TMLHE: variants seen among roughly 807,000 people sequenced by gnomAD.
TMLHE encodes trimethyllysine hydroxylase, epsilon, also known as trimethyllysine dioxygenase, mitochondrial.
TMLHE carries 18 observed loss-of-function variants against 25.7 expected under a neutral mutation model. The ratio of observed to expected loss-of-function variants is 0.70; its 90% CI spans 0.48 to 1.04. The LOEUF is 1.04. TMLHE is among the 50% of genes least tolerant of loss of function. The pLI, the probability that TMLHE is intolerant of heterozygous loss-of-function variation, is 0.00. For synonymous variants in TMLHE, 105 were observed against 97.0 expected (o/e 1.08, Z -0.49); for missense variants, 236 against 259.0 (o/e 0.91, Z 0.61).
intron 1 of TMLHE, among the ~76,000 whole-genome samples, chrX:155,584,454 A>T (rs1214451000): frequency 9.0e-6 from 1 of 111,411 alleles, no homozygotes; most frequent in African/African-American, 3.3e-5. Context: ...TAATGAAATA[A>T]TAGGTGAAAA....
chrX:155,559,995 C>G (rs781945343), intron 1 of TMLHE, among the ~76,000 whole-genome samples: 3 of 112,761 alleles, frequency 2.7e-5, no homozygotes, highest in African/African-American at 9.6e-5. Context: ...TCAGTGTTTT[C>G]ACAGGTCTCT....
intron 2 of TMLHE, among the ~76,000 whole-genome samples, chrX:155,525,560 G>C (rs2067214953): frequency 8.9e-6 from 1 of 112,282 alleles, no homozygotes; most frequent in Non-Finnish European, 1.9e-5. Context: ...AAGCAACTTT[G>C]GAACTGGGTA....
intron 1 of TMLHE, among the ~76,000 whole-genome samples, chrX:155,589,621 A>G (rs782456726): frequency 1.8e-5 from 2 of 111,893 alleles, no homozygotes; most frequent in Admixed American, 1.9e-4. Flanking sequence ...TAGATATTAG[A>G]GGTCGAGAAG....
At chrX:155,596,300 T>C (rs782634629) in intron 1 of TMLHE, among the ~76,000 whole-genome samples, 2 of 112,011 alleles carry the variant, frequency 1.8e-5, no homozygotes, top group Non-Finnish European at 3.8e-5. Context: ...AGTCAGAAAG[T>C]ACCTTATCAG....
chrX:155,509,689 T>C (rs1557333138), intron 5 of TMLHE, among the ~76,000 whole-genome samples: 1 of 111,927 alleles, frequency 8.9e-6, no homozygotes, highest in Admixed American at 9.5e-5. Flanking sequence ...TTGTTCTTCC[T>C]TCCCTGAATC....
Position 155,545,204 on chromosome X carries a change from C to G in TMLHE, c.73G>C (p.Ala25Pro). The G allele has an allele frequency of 1.2e-5, 15 of 1,209,858 alleles. No individual in the cohort carries two copies. The highest frequency in any genetic ancestry group is 1.7e-5 in the Non-Finnish European group (15 of 894,413). ...DLLKGGVIYP[A>P]LPQPNFKSLL... ...CTTTTGAAGTTGGGCTGTGGAAGGG[C>G]CGGATATATGACTCCTCCCTTCAGC... The change falls in exon 2 of 8, where the codon GCC becomes CCC. Residue 25 changes from alanine to proline, a missense_variant. By Grantham distance (27) the Ala-to-Pro change is conservative (BLOSUM62 -1). Coordinates refer to ENST00000334398, the MANE Select transcript of TMLHE (RefSeq NM_018196.4).
rs199989202 is a variant in TMLHE at position 155,507,053 on chromosome X, C to A, written c.840G>T (p.Gln280His). Residue 280 changes from glutamine to histidine, a missense_variant, in exon 6 of 8, where the codon CAG (glutamine) becomes CAT (histidine). Gln to His is a conservative substitution (Grantham distance 24). Coordinates refer to ENST00000334398, the MANE Select transcript of TMLHE (RefSeq NM_018196.4). The stretch of plus-strand genomic sequence containing the variant: ...ATTCCTCAGGTGCCTTTTGAAGTAC[C>A]TGTTCTGCTGCATAGAATCCATCTA... ...LLVDGFYAAE[Q>H]VLQKAPEEFE... 35 of 1,208,196 alleles carry A rather than the reference C, an allele frequency of 2.9e-5. No homozygotes were observed. The highest frequency in any genetic ancestry group is 7.0e-5 in the African/African-American group (4 of 57,035).
intron 5 of TMLHE, 151 bp downstream of exon 5, chrX:155,511,522 C>A (rs1288986080): frequency 3.6e-6 from 2 of 552,536 alleles, no homozygotes; most frequent in Admixed American, 3.8e-5. Flanking sequence ...TAAGGTATTT[C>A]AAAATGATCA....
chrX:155,530,334 A>G (rs1432243363), intron 2 of TMLHE, among the ~76,000 whole-genome samples: 1 of 111,406 alleles, frequency 9.0e-6, no homozygotes, highest in Non-Finnish European at 1.9e-5. Context: ...AAAAATTTGC[A>G]TGATCTCATT....
At chrX:155,555,939 C>T (rs1165469965) in intron 1 of TMLHE, among the ~76,000 whole-genome samples, 14 of 109,650 alleles carry the variant, frequency 1.3e-4, no homozygotes, top group Admixed American at 1.2e-3. Context: ...TCATGAAGTC[C>T]TTGCCCATGC....
intron 2 of TMLHE, among the ~76,000 whole-genome samples, chrX:155,538,854 G>T (rs2067295163): frequency 9.0e-6 from 1 of 110,677 alleles, no homozygotes; most frequent in Non-Finnish European, 1.9e-5. Flanking sequence ...TTCCCTATTG[G>T]ATCATCCTCA....
At chrX:155,551,419 G>C (rs782008047) in intron 1 of TMLHE, among the ~76,000 whole-genome samples, 1 of 90,040 alleles carries the variant, frequency 1.1e-5, no homozygotes, top group Non-Finnish European at 2.1e-5. Flanking sequence ...GGGTCAAATC[G>C]TAATTCTAGT....
intron 1 of TMLHE, among the ~76,000 whole-genome samples, chrX:155,608,310 C>T (rs916083653): frequency 5.1e-4 from 57 of 111,586 alleles, no homozygotes; most frequent in Admixed American, 1.3e-3. Flanking sequence ...GATAGATACT[C>T]CCTATTCAAT....
At chrX:155,593,817 A>G (rs1557346247) in intron 1 of TMLHE, among the ~76,000 whole-genome samples, 1 of 111,256 alleles carries the variant, frequency 9.0e-6, no homozygotes, top group Admixed American at 9.5e-5. Flanking sequence ...AGAATATATC[A>G]GCAGCAGGCT....
At chrX:155,542,413 ATGT>A (rs1320827223) in intron 2 of TMLHE, among the ~76,000 whole-genome samples, 35 of 111,700 alleles carry the variant, frequency 3.1e-4, no homozygotes, top group African/African-American at 1.0e-3. Context: ...GGAAGGCTTA[ATGT>A]TGTTAAAATG....
At chrX:155,533,356 C>T (rs1434222938) in intron 2 of TMLHE, among the ~76,000 whole-genome samples, 1 of 93,235 alleles carries the variant, frequency 1.1e-5, no homozygotes, top group Non-Finnish European at 2.2e-5. Flanking sequence ...CACACACATA[C>T]ACATGCACAC....
At chrX:155,553,838 GAAT>G (rs1214367286) in intron 1 of TMLHE, among the ~76,000 whole-genome samples, 3 of 109,855 alleles carry the variant, frequency 2.7e-5, no homozygotes, top group African/African-American at 1.0e-4. Flanking sequence ...ATTATTCTAT[GAAT>G]AATAACATAT....
chrX:155,610,611 G>A (rs1325245817), intron 1 of TMLHE, among the ~76,000 whole-genome samples: 1 of 110,636 alleles, frequency 9.0e-6, no homozygotes, highest in Non-Finnish European at 1.9e-5. Context: ...GGTGGTGGTG[G>A]GTTGTGGTTT....
intron 3 of TMLHE, 74 bp downstream of exon 3, chrX:155,524,382 C>G (rs1275274105): frequency 3.0e-5 from 28 of 920,462 alleles, no homozygotes; most frequent in Non-Finnish European, 4.0e-5. Flanking sequence ...TTGAAAGGAA[C>G]AAACCATTTT....
Sources: gnomAD v4.1 joint callset for allele counts (sites outside exome capture counted in the v4.1 genomes callset) on GRCh38, gnomAD v4.1.1 for gene constraint, MANE v1.5 for transcripts, NCBI Gene and HGNC (gene_info 2026-07-23, HGNC 2026-07-21) for gene names.